PKHD1: variants seen among roughly 807,000 people sequenced by gnomAD.
PKHD1 encodes the protein fibrocystin.
A neutral mutation model predicts 412.0 loss-of-function variants in PKHD1; 291 were observed. The observed-to-expected ratio is 0.71, with a 90% confidence interval of 0.64 to 0.78. PKHD1 has a LOEUF of 0.78. Ranked by LOEUF, PKHD1 falls within the 30% of genes least tolerant of loss-of-function variation. The pLI, the probability that PKHD1 is intolerant of heterozygous loss-of-function variation, is 0.00. For missense variants in PKHD1, 4,825 were observed against 4,950.7 expected, an observed-to-expected ratio of 0.97 and a Z score of 0.76; for synonymous variants, 1,777 against 1,821.5, an observed-to-expected ratio of 0.98 and a Z score of 0.62.
At chr6:51,765,707 T>A (rs1788875418) in intron 55 of PKHD1, among the ~76,000 whole-genome samples, 1 of 152,154 alleles carries the variant, frequency 6.6e-6, no homozygotes, top group Non-Finnish European at 1.5e-5. Flanking sequence ...CATTTATATT[T>A]CTGTATTTGT....
At chr6:51,952,194 T>C (rs542194146) in intron 36 of PKHD1, among the ~76,000 whole-genome samples, 58 of 152,228 alleles carry the variant, frequency 3.8e-4, no homozygotes, top group African/African-American at 1.3e-3. Flanking sequence ...CATTGTCTGA[T>C]TGGAAAAATA....
intron 52 of PKHD1, among the ~76,000 whole-genome samples, chr6:51,826,087 A>G (rs1015541102): frequency 1.3e-5 from 2 of 151,126 alleles, no homozygotes; most frequent in African/African-American, 4.9e-5. Context: ...ACAAGATTTC[A>G]TAGAATTCCT....
At position 52,064,879 on chromosome 6, in the gene PKHD1, C is replaced by T. The variant is rs930498577; in HGVS notation, c.976+76G>A. ...AAATAGATGAGAAAGAATTCAAACACTTTTATTTCTACTCGCCAGCCCATC... is the reference window on the plus strand; with the variant it reads ...AAATAGATGAGAAAGAATTCAAACATTTTTATTTCTACTCGCCAGCCCATC... On this transcript the variant is annotated intron_variant, in intron 13 of 66. Coordinates refer to ENST00000371117, the MANE Select transcript of PKHD1 (RefSeq NM_138694.4). 1.4e-5 allele frequency: 9 copies of T among 643,534 alleles called. 1 individual carries two copies. Among genetic ancestry groups the T allele is most frequent in the Non-Finnish European group, 2.4e-5 (9 of 381,282 alleles). The allele number at this position is 643,534 out of a possible 1,614,324, so 39.9% of individuals were successfully genotyped here. A position where few individuals can be genotyped will look rare whatever the true frequency, so the allele number is the denominator to read the frequency against.
chr6:51,987,900 CT>C (rs1467178296), intron 35 of PKHD1, among the ~76,000 whole-genome samples: 2 of 152,190 alleles, frequency 1.3e-5, no homozygotes, highest in Non-Finnish European at 2.9e-5. Context: ...CACATAGTCA[CT>C]CTGTGACCTT....
chr6:51,939,993 C>T (rs1309429309), intron 36 of PKHD1, among the ~76,000 whole-genome samples: 1 of 151,590 alleles, frequency 6.6e-6, no homozygotes, highest in Non-Finnish European at 1.5e-5. Flanking sequence ...GTGGCTGGAG[C>T]TAAAGGCATA....
At chr6:51,900,308 G>A (rs1180536425) in intron 43 of PKHD1, among the ~76,000 whole-genome samples, 1 of 152,130 alleles carries the variant, frequency 6.6e-6, no homozygotes, top group Non-Finnish European at 1.5e-5. Flanking sequence ...GCATGGTACT[G>A]GTACCAAAAC....
intron 35 of PKHD1, among the ~76,000 whole-genome samples, chr6:51,981,507 C>T (rs1387984589): frequency 1.5e-4 from 22 of 151,704 alleles, no homozygotes; most frequent in Non-Finnish European, 2.4e-4. Flanking sequence ...TTGGTGGAGA[C>T]GGGGTTTTGC....
rs2784198 is a variant in PKHD1 at position 51,615,688 on chromosome 6, G to C, written c.*3393C>G. On this transcript the variant is annotated 3_prime_UTR_variant, in exon 67 of 67. Transcript: ENST00000371117. Reference sequence around the variant, plus strand: ...TACTCATTTTTGCATATAGTTTGCAGGCATTTCAATGTATAGTAATTTCAT... The same window carrying C: ...TACTCATTTTTGCATATAGTTTGCACGCATTTCAATGTATAGTAATTTCAT... The C allele has an allele frequency of 8.5e-5, 13 of 152,124 alleles. No homozygotes were observed. The highest frequency in any genetic ancestry group is 2.0e-4 in the Admixed American group (3 of 15,284). 9.4% of individuals were successfully genotyped at this position (152,124 alleles called of 1,614,324 possible).
intron 60 of PKHD1, among the ~76,000 whole-genome samples, chr6:51,676,582 G>A (rs1178818970): frequency 6.7e-6 from 1 of 149,140 alleles, no homozygotes; most frequent in Admixed American, 7.2e-5. Flanking sequence ...CAATTCTTTT[G>A]TGGCAAACAA....
At chr6:51,766,406 T>A (rs911733096) in intron 55 of PKHD1, among the ~76,000 whole-genome samples, 112 of 152,274 alleles carry the variant, frequency 7.4e-4, no homozygotes, top group African/African-American at 2.5e-3. Context: ...CCCATGTGAA[T>A]GTGAGCCTCT....
chr6:51,640,151 A>G (rs1294880928), intron 63 of PKHD1, among the ~76,000 whole-genome samples: 1 of 152,252 alleles, frequency 6.6e-6, no homozygotes, highest in Admixed American at 6.5e-5. Context: ...TGAACTGAAG[A>G]GTACAGATGT....
chr6:51,823,110 T>C (rs1766727797), intron 52 of PKHD1, among the ~76,000 whole-genome samples: 1 of 151,374 alleles, frequency 6.6e-6, no homozygotes, highest in Admixed American at 6.6e-5. Flanking sequence ...AAAAAAAAAT[T>C]ATACCTATTG....
chr6:51,705,179 A>G (rs1470688287), intron 60 of PKHD1, among the ~76,000 whole-genome samples: 1 of 152,130 alleles, frequency 6.6e-6, no homozygotes, highest in Non-Finnish European at 1.5e-5. Context: ...CAGTTACTAC[A>G]GTACCGAGAA....
At chr6:51,751,264 T>G (rs1786071174) in intron 57 of PKHD1, among the ~76,000 whole-genome samples, 1 of 152,114 alleles carries the variant, frequency 6.6e-6, no homozygotes, top group Non-Finnish European at 1.5e-5. Flanking sequence ...CTATAACAAA[T>G]CAGTACCCAT....
chr6:52,012,993 T>C (rs1799993566), intron 34 of PKHD1, among the ~76,000 whole-genome samples: 1 of 152,222 alleles, frequency 6.6e-6, no homozygotes, highest in Admixed American at 6.5e-5. Flanking sequence ...TTTAGGTTCA[T>C]AGAATATCTG....
At chr6:51,647,734 A>C (rs762709299) in intron 63 of PKHD1, among the ~76,000 whole-genome samples, 1 of 152,128 alleles carries the variant, frequency 6.6e-6, no homozygotes, top group Non-Finnish European at 1.5e-5. Flanking sequence ...TTTGATGCTC[A>C]CCCAAAGATG....
intron 54 of PKHD1, 142 bp from the exon 55 acceptor site, chr6:51,772,931 T>C: frequency 1.5e-6 from 1 of 662,994 alleles, no homozygotes; most frequent in Non-Finnish European, 2.7e-6. Context: ...ATCAAAAGCA[T>C]TATTTAAATG....
chr6:51,711,279 CTTT>C (rs1288144517), intron 60 of PKHD1, among the ~76,000 whole-genome samples: 2 of 152,148 alleles, frequency 1.3e-5, no homozygotes, highest in African/African-American at 4.8e-5. Context: ...TTCCCTCCTT[CTTT>C]GTTTCACTAA....
At chr6:51,665,208 A>T (rs1194130622) in intron 60 of PKHD1, among the ~76,000 whole-genome samples, 1 of 152,156 alleles carries the variant, frequency 6.6e-6, no homozygotes, top group African/African-American at 2.4e-5. Context: ...TTTCAAGGCT[A>T]TGTAGTCTTG....
Sources: gnomAD v4.1 joint callset for allele counts (sites outside exome capture counted in the v4.1 genomes callset) on GRCh38, gnomAD v4.1.1 for gene constraint, MANE v1.5 for transcripts, NCBI Gene and HGNC (gene_info 2026-07-23, HGNC 2026-07-21) for gene names.